The following FAM174A variants were observed in gnomAD, a reference collection of about 807,000 sequenced individuals.
The protein encoded by FAM174A is membrane protein FAM174A.
Under a neutral mutation model 14.3 loss-of-function variants are expected in FAM174A, and 14 were observed. That is an observed-to-expected ratio of 0.98 (90% CI 0.65 to 1.53). The LOEUF (loss-of-function observed/expected upper bound fraction) is 1.53. FAM174A is among the 40% of genes most tolerant of loss of function. The pLI is 0.00. For synonymous variants in FAM174A, 108 were observed against 111.4 expected, an observed-to-expected ratio of 0.97 and a Z score of 0.19; for missense variants, 241 against 249.6, an observed-to-expected ratio of 0.97 and a Z score of 0.23.
intron 2 of FAM174A, among the ~76,000 whole-genome samples, chr5:100,572,091 A>G (rs565017483): frequency 1.3e-5 from 2 of 152,196 alleles, no homozygotes; most frequent in South Asian, 4.1e-4. Flanking sequence ...TTACAGAAGT[A>G]CTTTAAAATA....
At chr5:100,549,728 TA>T (rs563225957) in intron 1 of FAM174A, among the ~76,000 whole-genome samples, 82 of 151,904 alleles carry the variant, frequency 5.4e-4, no homozygotes, top group African/African-American at 2.0e-3. Context: ...GAGATTGTGG[TA>T]GGGGCAGAGC....
intron 2 of FAM174A, among the ~76,000 whole-genome samples, chr5:100,579,156 G>C (rs1221820444): frequency 3.9e-5 from 6 of 152,152 alleles, no homozygotes; most frequent in African/African-American, 1.4e-4. Context: ...AACATTCTTA[G>C]TTTTTCTTTA....
chr5:100,536,669 C>T (rs1295009317), intron 1 of FAM174A, among the ~76,000 whole-genome samples: 1 of 152,146 alleles, frequency 6.6e-6, no homozygotes, highest in Non-Finnish European at 1.5e-5. Flanking sequence ...GGAAAGCTGT[C>T]TAGCAGTTTA....
chr5:100,574,435 G>A (rs780434538), intron 2 of FAM174A, among the ~76,000 whole-genome samples: 6 of 151,992 alleles, frequency 3.9e-5, no homozygotes, highest in Non-Finnish European at 7.4e-5. Context: ...TGATCCACCC[G>A]CCTCGACCTT....
rs150278786 is a variant in FAM174A, at chr5:100,578,153, G to C, written c.570-8028G>C. Among the ~76,000 whole-genome samples, 617 of 152,132 alleles carry C rather than the reference G, an allele frequency of 4.1e-3. 1 individual carries two copies. Among genetic ancestry groups the C allele is most frequent in the Middle Eastern group, 0.01 (3 of 294 alleles). ...GAAATTCTGTAAATGATAGAAAACT[G>C]AGCATTTTACATAGGATCTAATCTT... On this transcript the variant is annotated intron_variant, in intron 2 of 2. Coordinates refer to ENST00000312637, the MANE Select transcript of FAM174A (RefSeq NM_198507.3).
chr5:100,538,571 T>C lies in FAM174A; in HGVS notation c.434+2607T>C, dbSNP rs17156722. On this transcript the variant is annotated intron_variant, in intron 1 of 2. Coordinates refer to ENST00000312637, the MANE Select transcript of FAM174A (RefSeq NM_198507.3). ...AGGAACACGGTAGGGACAAAGTAGATTGCCTAAAATGAACACTTAATCTCT... is the reference window on the plus strand; with the variant it reads ...AGGAACACGGTAGGGACAAAGTAGACTGCCTAAAATGAACACTTAATCTCT... 3.1e-3 allele frequency among the ~76,000 whole-genome samples: 478 copies of C among 152,080 alleles called. 1 individual carries two copies. The highest frequency in any genetic ancestry group is 0.011 in the African/African-American group (453 of 41,494).
At position 100,543,266 on chromosome 5, in the gene FAM174A, C is replaced by T. The variant is rs529165706; in HGVS notation, c.434+7302C>T. Among the ~76,000 whole-genome samples, 7 of 152,064 alleles carry T rather than the reference C, an allele frequency of 4.6e-5. No homozygotes were observed. In the South Asian group the frequency reaches 8.3e-4, roughly 18 times the overall value. ...CCAAGTAGGTGGGACTACAGGCGCA[C>T]GCCACCACACCCAGCTATTTATTGT... On this transcript the variant is annotated intron_variant, in intron 1 of 2. Coordinates refer to ENST00000312637, the MANE Select transcript of FAM174A (RefSeq NM_198507.3).
chr5:100,572,274 A>C (rs1265881951), intron 2 of FAM174A, among the ~76,000 whole-genome samples: 1 of 123,040 alleles, frequency 8.1e-6, no homozygotes, highest in Non-Finnish European at 1.7e-5. Context: ...ATTATACTTT[A>C]AGTTTTAGGG....
intron 2 of FAM174A, among the ~76,000 whole-genome samples, chr5:100,562,451 G>A (rs551216838): frequency 6.6e-6 from 1 of 151,634 alleles, no homozygotes; most frequent in East Asian, 1.9e-4. Context: ...AAGTTCAGGG[G>A]TACAAGTGCA....
chr5:100,566,234 A>G (rs1414229720), intron 2 of FAM174A, among the ~76,000 whole-genome samples: 1 of 146,910 alleles, frequency 6.8e-6, no homozygotes, highest in Non-Finnish European at 1.5e-5. Flanking sequence ...GCCTTAAAAA[A>G]AAGAAAATCT....
chr5:100,538,285 A>T (rs1745978567), intron 1 of FAM174A, among the ~76,000 whole-genome samples: 1 of 152,150 alleles, frequency 6.6e-6, no homozygotes, highest in East Asian at 1.9e-4. Context: ...TATTTGTGCC[A>T]AGGGAGAAGA....
chr5:100,575,362 A>G (rs1163786558), intron 2 of FAM174A, among the ~76,000 whole-genome samples: 3 of 151,980 alleles, frequency 2.0e-5, no homozygotes, highest in Non-Finnish European at 4.4e-5. Flanking sequence ...TTAACTCATC[A>G]TTTACATTAG....
chr5:100,549,437 A>G (rs1047401348), intron 1 of FAM174A, among the ~76,000 whole-genome samples: 1 of 152,156 alleles, frequency 6.6e-6, no homozygotes, highest in South Asian at 2.1e-4. Flanking sequence ...TATAACGTTG[A>G]TTTAGGATTT....
chr5:100,554,540 C>T (rs972427521), intron 1 of FAM174A, among the ~76,000 whole-genome samples: 2 of 152,024 alleles, frequency 1.3e-5, no homozygotes, highest in Admixed American at 1.3e-4. Context: ...TTGTCACAAA[C>T]TCCTGATGAT....
At chr5:100,564,702 A>C (rs1201974319) in intron 2 of FAM174A, among the ~76,000 whole-genome samples, 1 of 151,840 alleles carries the variant, frequency 6.6e-6, no homozygotes, top group Non-Finnish European at 1.5e-5. Context: ...AGAAATTACA[A>C]TGGGTACCTC....
Position 100,551,081 on chromosome 5 carries a change from G to A in FAM174A, c.435-10973G>A, listed in dbSNP as rs1388214356. 7.2e-5 allele frequency among the ~76,000 whole-genome samples: 11 copies of A among 152,296 alleles called. No individual in the cohort carries two copies. In the East Asian group the frequency reaches 1.2e-3, roughly 16 times the overall value. On this transcript the variant is annotated intron_variant, in intron 1 of 2. Transcript: ENST00000312637. Reference sequence around the variant, plus strand: ...TGGATAGCCGGAGTAGGCAGAGATAGTGAATTAGGAAGCTATTTTAGTCAG... The same window carrying A: ...TGGATAGCCGGAGTAGGCAGAGATAATGAATTAGGAAGCTATTTTAGTCAG...
chr5:100,571,475 A>G (rs1746777621), intron 2 of FAM174A, among the ~76,000 whole-genome samples: 1 of 151,150 alleles, frequency 6.6e-6, no homozygotes, highest in African/African-American at 2.4e-5. Flanking sequence ...TTAGAAATCA[A>G]TTAAGTGGTG....
rs1160177005 is a variant in FAM174A at position 100,535,554 on chromosome 5, C to G, written c.24C>G (p.Cys8Trp). The G allele has an allele frequency of 1.9e-6, 3 of 1,613,048 alleles. No individual in the cohort carries two copies. In the East Asian group the frequency reaches 6.7e-5, roughly 36 times the overall value. The part of the protein sequence containing the change: MKASQCC[C>W]CLSHLLASVL... ...CGATGAAGGCCTCGCAGTGCTGCTG[C>G]TGTCTCAGCCACCTCTTGGCTTCCG... The change falls in exon 1 of 3, where the codon TGC becomes TGG. Residue 8 changes from cysteine to tryptophan, a missense_variant. Transcript: ENST00000312637.
At chr5:100,545,641 A>G (rs1384170581) in intron 1 of FAM174A, among the ~76,000 whole-genome samples, 1 of 152,200 alleles carries the variant, frequency 6.6e-6, no homozygotes, top group Non-Finnish European at 1.5e-5. Context: ...AAACATCCAA[A>G]AGATAAAACT....
Sources: gnomAD v4.1 joint callset for allele counts (sites outside exome capture counted in the v4.1 genomes callset) on GRCh38, gnomAD v4.1.1 for gene constraint, MANE v1.5 for transcripts, NCBI Gene and HGNC (gene_info 2026-07-23, HGNC 2026-07-21) for gene names.